ATP11A: variants seen among roughly 807,000 people sequenced by gnomAD.
ATP11A encodes ATPase phospholipid transporting 11A.
In ATP11A, 81 loss-of-function variants were observed where a neutral mutation model predicts 154.4. The ratio of observed to expected loss-of-function variants is 0.52; its 90% confidence interval spans 0.44 to 0.63. The LOEUF is 0.63. Ranked by LOEUF, ATP11A falls within the 30% of genes least tolerant of loss-of-function variation. The pLI is 0.00. For synonymous variants in ATP11A, 623 were observed against 585.9 expected, an observed-to-expected ratio of 1.06 and a Z score of -0.91; for missense variants, 1,316 against 1,474.3, an observed-to-expected ratio of 0.89 and a Z score of 1.76.
chr13:112,796,727 A>C lies in ATP11A; in HGVS notation c.163-8230A>C, dbSNP rs562127887. Among the ~76,000 whole-genome samples the C allele has an allele frequency of 3.3e-5, 5 of 152,326 alleles. No individual in the cohort carries two copies. In the East Asian group the frequency reaches 9.7e-4, roughly 29 times the overall value. On this transcript the variant is annotated intron_variant, in intron 2 of 29. Transcript: ENST00000375645. ...TACACCTGTCCTAACTACTTTGGGG[A>C]TTTATAATACAGACTGTACGGAGAT... is the stretch of plus-strand genomic sequence containing the variant.
chr13:112,780,935 G>C (rs1566471579), intron 1 of ATP11A, among the ~76,000 whole-genome samples: 1 of 152,144 alleles, frequency 6.6e-6, no homozygotes, highest in African/African-American at 2.4e-5. Context: ...GAGAGAGAGA[G>C]GCTGGGGTCT....
At chr13:112,819,715 C>T (rs1039769552) in intron 7 of ATP11A, among the ~76,000 whole-genome samples, 185 bp from the exon 8 acceptor site, 29 of 152,124 alleles carry the variant, frequency 1.9e-4, no homozygotes, top group African/African-American at 6.8e-4. Context: ...GGAAAATCAC[C>T]GAAGCCATGA....
rs1010421209 is a variant in ATP11A at position 112,859,438 on chromosome 13, G to A, written c.2713G>A (p.Gly905Arg). The change falls in exon 23 of 30, where the codon GGG becomes AGG. Residue 905 changes from glycine (G) to arginine (R), a missense_variant. Coordinates refer to ENST00000375645, the MANE Select transcript of ATP11A (RefSeq NM_015205.3). The surrounding 1 kb of genome is among the most constrained non-coding windows in gnomAD (Gnocchi z 4.3). ...FPQFLYQFFC[G>R]FSQQTLYDTA... ...TCAGTTTTTATACCAGTTCTTCTGT[G>A]GGTTTTCACAACAGGTCAGTCCTAG... The A allele has an allele frequency of 6.8e-6, 11 of 1,613,810 alleles. No homozygotes were observed. Among genetic ancestry groups the A allele is most frequent in the African/African-American group, 4.0e-5 (3 of 74,894 alleles).
chr13:112,764,126 C>G (rs1264885711), intron 1 of ATP11A, among the ~76,000 whole-genome samples: 1 of 152,190 alleles, frequency 6.6e-6, no homozygotes, highest in Non-Finnish European at 1.5e-5. Flanking sequence ...TGCAGTAGCC[C>G]TGTTTGGCCG....
rs1002632188 is a variant in ATP11A at position 112,785,930 on chromosome 13, G to A, written c.162+673G>A. On this transcript the variant is annotated intron_variant, in intron 2 of 29. Transcript: ENST00000375645. The surrounding 1 kb of genome is among the most constrained non-coding windows in gnomAD (Gnocchi z 4.8). The stretch of plus-strand genomic sequence containing the variant: ...GCTTTCCAGGTAATGCGGAACGCAC[G>A]TGCCTGCGTTCAGACTCCATTTATC... Among the ~76,000 whole-genome samples the A allele has an allele frequency of 5.9e-5, 9 of 152,078 alleles. No homozygotes were observed. The South Asian group carries it at 1.7e-3, about 28-fold the overall frequency.
At chr13:112,877,465 A>G (rs1000449626) in intron 28 of ATP11A, among the ~76,000 whole-genome samples, 2 of 152,230 alleles carry the variant, frequency 1.3e-5, no homozygotes, top group Non-Finnish European at 2.9e-5. Flanking sequence ...CACATCCCAT[A>G]CATGGGGACG....
chr13:112,714,830 C>T (rs1247474619), intron 1 of ATP11A, among the ~76,000 whole-genome samples: 1 of 152,208 alleles, frequency 6.6e-6, no homozygotes, highest in Non-Finnish European at 1.5e-5. Flanking sequence ...TTTATGTGCA[C>T]AGTTCAGTGC....
chr13:112,826,980 G>A (rs1190619026), intron 12 of ATP11A, 89 bp downstream of exon 12: 1 of 1,383,720 alleles, frequency 7.2e-7, no homozygotes, highest in African/African-American at 1.4e-5. Flanking sequence ...TGTCATCCGA[G>A]CGTGGCTGTA....
intron 8 of ATP11A, among the ~76,000 whole-genome samples, chr13:112,820,249 G>A (rs867567115): frequency 2.0e-4 from 31 of 152,224 alleles, no homozygotes; most frequent in African/African-American, 5.5e-4. Context: ...AGTGAAGGGC[G>A]GAGTACAGCT....
At chr13:112,832,501 G>T (rs906259216) in intron 13 of ATP11A, among the ~76,000 whole-genome samples, 49 of 152,312 alleles carry the variant, frequency 3.2e-4, no homozygotes, top group African/African-American at 1.2e-3. Flanking sequence ...AGGGTCCAGG[G>T]TGTTTGTGAA....
At chr13:112,712,364 G>A (rs1001562411) in intron 1 of ATP11A, among the ~76,000 whole-genome samples, 1 of 152,170 alleles carries the variant, frequency 6.6e-6, no homozygotes, top group Non-Finnish European at 1.5e-5. Flanking sequence ...CAGCAGCCTT[G>A]GAGCTAGGTG....
At chr13:112,708,815 G>A (rs554366578) in intron 1 of ATP11A, among the ~76,000 whole-genome samples, 11 of 152,280 alleles carry the variant, frequency 7.2e-5, no homozygotes, top group East Asian at 1.9e-4. Flanking sequence ...TGGCTCTCCC[G>A]CCTGTGTTTT....
At chr13:112,817,252 G>A (rs1444094260) in intron 6 of ATP11A, among the ~76,000 whole-genome samples, 1 of 152,194 alleles carries the variant, frequency 6.6e-6, no homozygotes, top group Admixed American at 6.5e-5. Flanking sequence ...TAGGTAATAC[G>A]TATGGATATA....
rs533358822 is a variant in ATP11A at position 112,693,219 on chromosome 13, C to T, written c.39+2764C>T. On this transcript the variant is annotated intron_variant, in intron 1 of 29. Coordinates refer to ENST00000375645, the MANE Select transcript of ATP11A (RefSeq NM_015205.3). ...GTTTGGGTGTTTGGATGGACCGGAG[C>T]CATGCAGAGATACTTTGTATTTGTA... is the stretch of plus-strand genomic sequence containing the variant. 6.6e-5 allele frequency among the ~76,000 whole-genome samples: 10 copies of T among 152,264 alleles called. No individual in the cohort carries two copies. In the East Asian group the frequency reaches 1.7e-3, roughly 26 times the overall value.
chr13:112,853,199 A>G (rs1159485285), intron 18 of ATP11A, among the ~76,000 whole-genome samples: 1 of 152,084 alleles, frequency 6.6e-6, no homozygotes, highest in Non-Finnish European at 1.5e-5. Context: ...TAGCCTGGGC[A>G]ACATAAGGCG....
rs1279209099 is a variant in ATP11A at position 112,883,523 on chromosome 13, G to A, written c.*1657G>A. ...TGCTCGACAGTAGGTATTTTTGGAA[G>A]CTCAGATTTCACCATTTGATTGTAT... On this transcript the variant is annotated 3_prime_UTR_variant, in exon 30 of 30. Transcript: ENST00000375645. 3 of 257,112 alleles carry A rather than the reference G, an allele frequency of 1.2e-5. No individual in the cohort carries two copies. Among genetic ancestry groups the A allele is most frequent in the Non-Finnish European group, 2.2e-5 (3 of 136,794 alleles). 15.9% of individuals were successfully genotyped at this position (257,112 alleles called of 1,614,324 possible).
intron 20 of ATP11A, chr13:112,856,607 T>A (rs1406906687): frequency 6.6e-6 from 1 of 152,428 alleles, no homozygotes; most frequent in Middle Eastern, 3.2e-3. Flanking sequence ...CACGCGGCCA[T>A]GTTCTTGTGG....
rs1006339186 is a variant in ATP11A at position 112,885,476 on chromosome 13, C to T, written c.*3610C>T. ...CACATCGTACACATGTGAGCTCCCA[C>T]ACGTACACACAGATGCACATGGACA... is the stretch of plus-strand genomic sequence containing the variant. On this transcript the variant is annotated 3_prime_UTR_variant, in exon 30 of 30. Transcript: ENST00000375645. 4.6e-5 allele frequency: 7 copies of T among 152,312 alleles called. No individual in the cohort carries two copies. The highest frequency in any genetic ancestry group is 1.7e-4 in the African/African-American group (7 of 41,458). 9.4% of individuals were successfully genotyped at this position (152,312 alleles called of 1,614,324 possible).
chr13:112,750,475 G>C lies in ATP11A; in HGVS notation c.40-34660G>C, dbSNP rs1462603597. Among the ~76,000 whole-genome samples, 4 of 88,954 alleles carry C rather than the reference G, an allele frequency of 4.5e-5. 1 individual carries two copies. The highest frequency in any genetic ancestry group is 8.1e-5 in the Non-Finnish European group (4 of 49,574). The allele number at this position is 88,954 out of a possible 152,430, so 58.4% of individuals were successfully genotyped here. ...GGGTTGAATCCCTCTTCAGCCTCTC[G>C]TGAATTTCTGTCTTAGGGAAGGAGA... On this transcript the variant is annotated intron_variant, in intron 1 of 29. Coordinates refer to ENST00000375645, the MANE Select transcript of ATP11A (RefSeq NM_015205.3).
Sources: allele counts gnomAD v4.1 joint callset (sites outside exome capture counted in the v4.1 genomes callset), GRCh38; gene constraint gnomAD v4.1.1; non-coding constraint Gnocchi (gnomAD v3.1); transcripts MANE v1.5; gene names NCBI Gene and HGNC (gene_info 2026-07-23, HGNC 2026-07-21).